Variants in PRPH2 observed in about 807,000 individuals in gnomAD.
PRPH2 encodes peripherin 2.
A neutral mutation model predicts 31.3 loss-of-function variants in PRPH2; 17 were observed. The observed-to-expected ratio is 0.54, with a 90% CI of 0.37 to 0.81. PRPH2 has a LOEUF of 0.81. Among genes scored for constraint, PRPH2 ranks in the 40% least tolerant of loss-of-function variants. The pLI is 0.00. For missense variants in PRPH2, 430 were observed against 439.7 expected (o/e 0.98, Z 0.20); for synonymous variants, 165 against 184.4 (o/e 0.89, Z 0.85).
intron 1 of PRPH2, among the ~76,000 whole-genome samples, chr6:42,710,454 C>T (rs866577933): frequency 1.4e-4 from 21 of 152,172 alleles, no homozygotes; most frequent in African/African-American, 5.1e-4. Context: ...TGGAGCTATC[C>T]CTCCCCCACT....
At chr6:42,715,024 A>C (rs1761748614) in intron 1 of PRPH2, among the ~76,000 whole-genome samples, 1 of 151,460 alleles carries the variant, frequency 6.6e-6, no homozygotes, top group South Asian at 2.1e-4. Context: ...AGCCTGACCA[A>C]ATGGTGAAAC....
intron 2 of PRPH2, among the ~76,000 whole-genome samples, chr6:42,700,506 T>G (rs1800026904): frequency 6.6e-6 from 1 of 152,184 alleles, no homozygotes; most frequent in Non-Finnish European, 1.5e-5. Context: ...TCTGGGACAT[T>G]TTATAATTAT....
intron 2 of PRPH2, among the ~76,000 whole-genome samples, chr6:42,699,096 A>G (rs1373192852): frequency 6.8e-6 from 1 of 146,708 alleles, no homozygotes; most frequent in Non-Finnish European, 1.5e-5. Flanking sequence ...TCTGTCACCC[A>G]TGCTGGAGTG....
intron 1 of PRPH2, among the ~76,000 whole-genome samples, chr6:42,719,355 T>C (rs1761853706): frequency 6.6e-6 from 1 of 151,868 alleles, no homozygotes; most frequent in African/African-American, 2.4e-5. Context: ...TCTGTATTTT[T>C]AGTAGAGATG....
chr6:42,708,192 C>A lies in PRPH2; in HGVS notation c.582-3581G>T, dbSNP rs568278757. 2.0e-5 allele frequency among the ~76,000 whole-genome samples: 3 copies of A among 152,294 alleles called. No homozygotes were observed. In the South Asian group the frequency reaches 6.2e-4, roughly 32 times the overall value. On this transcript the variant is annotated intron_variant, in intron 1 of 2. Coordinates refer to ENST00000230381, the MANE Select transcript of PRPH2 (RefSeq NM_000322.5). ...ATATCATATCATGGGAGAGCCCTCC[C>A]TGGGGAGTTGGCCGTGCAGGTTCTA... is the stretch of plus-strand genomic sequence containing the variant.
In PRPH2 at chr6:42,722,486, C is replaced by A; in HGVS notation, c.-152G>T. ...TGGGGGCTACCCATGTCGAGTCCCA[C>A]TAGCCTGGGATCCCCGTGAATGCAG... On this transcript the variant is annotated 5_prime_UTR_variant, in exon 1 of 3. Transcript: ENST00000230381. This position sits in a 1 kb window ranked among gnomAD's most constrained non-coding sequence, Gnocchi z 4.4. 2 of 1,511,648 alleles carry A rather than the reference C, an allele frequency of 1.3e-6. No individual in the cohort carries two copies. The highest frequency in any genetic ancestry group is 8.8e-7 in the Non-Finnish European group (1 of 1,135,178). The allele number at this position is 1,511,648 out of a possible 1,614,324, so 93.6% of individuals were successfully genotyped here. A position where few individuals can be genotyped will look rare whatever the true frequency, so the allele number is the denominator to read the frequency against.
intron 1 of PRPH2, among the ~76,000 whole-genome samples, chr6:42,720,548 A>G (rs1329845348): frequency 1.3e-5 from 2 of 152,204 alleles, no homozygotes; most frequent in African/African-American, 2.4e-5. Context: ...TAAAATCCCA[A>G]GAAGTGACCT....
Position 42,722,137 on chromosome 6 carries a change from C to T in PRPH2, c.198G>A (p.Gly66=). 6.2e-7 allele frequency: 1 copy of T among 1,614,172 alleles called. No homozygotes were observed. The highest frequency in any genetic ancestry group is 1.1e-5 in the South Asian group (1 of 91,076). The part of the protein sequence containing the change: ...ESHFVPNSLI[G]MGVLSCVFNS... ...TGAAGACACAGGATAGCACCCCCAT[C>T]CCTATCAATGAGTTGGGCACAAAAT... Residue 66 remains glycine, a synonymous_variant, in exon 1 of 3, where the codon GGG becomes GGA. Transcript: ENST00000230381. The surrounding 1 kb of genome is among the most constrained non-coding windows in gnomAD (Gnocchi z 4.4).
Position 42,698,497 on chromosome 6 carries a change from G to A in PRPH2, c.839C>T (p.Thr280Ile). The change falls in exon 3 of 3, where the codon ACA (threonine) becomes ATA (isoleucine). Residue 280 changes from threonine to isoleucine, a missense_variant. Transcript: ENST00000230381. ...LLIWLFEVTI[T>I]IGLRYLQTSL... is the part of the protein sequence containing the mutation. ...CGTCTGTAGGTAGCGCAGCCCAATT[G>A]TAATGGTCACCTGGTGGTGGGAGAG... 6.2e-7 allele frequency: 1 copy of A among 1,614,178 alleles called. No homozygotes were observed. Among genetic ancestry groups the A allele is most frequent in the Non-Finnish European group, 8.5e-7 (1 of 1,180,034 alleles).
At chr6:42,719,132 C>CTT (rs1761845992) in intron 1 of PRPH2, among the ~76,000 whole-genome samples, 1 of 151,432 alleles carries the variant, frequency 6.6e-6, no homozygotes, top group African/African-American at 2.4e-5. Context: ...AATCTGAATG[C>CTT]TTGCCTAAGC....
chr6:42,716,962 CT>C (rs1161769235), intron 1 of PRPH2, among the ~76,000 whole-genome samples: 37 of 45,204 alleles, frequency 8.2e-4, no homozygotes, highest in African/African-American at 2.5e-3. Context: ...TCTTTCTTTT[CT>C]TTTTTTTTTT....
At position 42,722,284 on chromosome 6, in the gene PRPH2, G is replaced by A. The variant is rs1761920031; in HGVS notation, c.51C>T (p.Ala17=). 3.7e-6 allele frequency: 6 copies of A among 1,614,084 alleles called. No homozygotes were observed. Among genetic ancestry groups the A allele is most frequent in the Non-Finnish European group, 4.2e-6 (5 of 1,180,044 alleles). ...ACCAGTTCATGAGCCAGAGCCCTTG[G>A]GCCAACTTGACCCGCTTCTTCTGGT... ...KFDQKKRVKL[A]QGLWLMNWFS... The change falls in exon 1 of 3, where the codon GCC becomes GCT. Residue 17 remains alanine, a synonymous_variant. Transcript: ENST00000230381. The surrounding 1 kb of genome is among the most constrained non-coding windows in gnomAD (Gnocchi z 4.4).
intron 1 of PRPH2, among the ~76,000 whole-genome samples, chr6:42,712,090 A>G (rs1761671172): frequency 6.6e-6 from 1 of 152,188 alleles, no homozygotes. Context: ...GTTTATGAGG[A>G]AATACAGGGG....
chr6:42,699,044 CTTCTTTTT>C (rs1350369886), intron 2 of PRPH2, among the ~76,000 whole-genome samples: 2 of 144,724 alleles, frequency 1.4e-5, no homozygotes, highest in Non-Finnish European at 3.0e-5. Context: ...ATGTGTGGTA[CTTCTTTTT>C]TTTTTTTTTT....
intron 2 of PRPH2, among the ~76,000 whole-genome samples, chr6:42,700,953 G>A (rs1278800538): frequency 6.6e-6 from 1 of 151,640 alleles, no homozygotes; most frequent in Non-Finnish European, 1.5e-5. Context: ...GGCTGCCAAT[G>A]GAACCCCATT....
At chr6:42,719,167 C>CT (rs10594241) in intron 1 of PRPH2, among the ~76,000 whole-genome samples, 98 of 144,964 alleles carry the variant, frequency 6.8e-4, no homozygotes, top group South Asian at 2.4e-3. Context: ...AGTGGACTTC[C>CT]TTTTTTTTTT....
intron 1 of PRPH2, among the ~76,000 whole-genome samples, chr6:42,712,238 A>G (rs547619852): frequency 1.3e-5 from 2 of 152,364 alleles, no homozygotes; most frequent in Non-Finnish European, 2.9e-5. Context: ...TAAAACAGAC[A>G]GGAAACCAAA....
chr6:42,704,377 A>G lies in PRPH2; in HGVS notation c.816T>C (p.Ile272=), dbSNP rs1165644492. The G allele has an allele frequency of 6.2e-7, 1 of 1,609,058 alleles. No homozygotes were observed. Among genetic ancestry groups the G allele is most frequent in the African/African-American group, 1.3e-5 (1 of 74,782 alleles). The change falls in exon 2 of 3, where the codon ATT becomes ATC. Residue 272 remains isoleucine, a synonymous_variant. Coordinates refer to ENST00000230381, the MANE Select transcript of PRPH2 (RefSeq NM_000322.5). ...MNSMGVVTLL[I]WLFEVTITIG... is the part of the protein sequence containing the mutation. The stretch of plus-strand genomic sequence containing the variant: ...GCCCAGGGCCTACCTCGAAGAGCCA[A>G]ATGAGGAGCGTGACGACACCCATGG...
Position 42,696,768 on chromosome 6 carries a change from A to G in PRPH2, c.*1527T>C, listed in dbSNP as rs1395867638. On this transcript the variant is annotated 3_prime_UTR_variant, in exon 3 of 3. Transcript: ENST00000230381. The stretch of plus-strand genomic sequence containing the variant: ...GCTCAGCATTTTTTCAGTATGGATC[A>G]TTCCTTGGCCTCAACGAGATTCAGA... 1 of 152,074 alleles carries G rather than the reference A, an allele frequency of 6.6e-6. No individual in the cohort carries two copies. The highest frequency in any genetic ancestry group is 2.4e-5 in the African/African-American group (1 of 41,406). 9.4% of individuals were successfully genotyped at this position (152,074 alleles called of 1,614,324 possible).
Sources: allele counts gnomAD v4.1 joint callset (sites outside exome capture counted in the v4.1 genomes callset), GRCh38; gene constraint gnomAD v4.1.1; non-coding constraint Gnocchi (gnomAD v3.1); transcripts MANE v1.5; gene names NCBI Gene and HGNC (gene_info 2026-07-23, HGNC 2026-07-21).